Variants in PP2D1 observed in about 807,000 individuals in gnomAD.
The protein encoded by PP2D1 is protein phosphatase 2C like domain containing 1.
In PP2D1, 25 loss-of-function variants were observed where a neutral mutation model predicts 30.2. That is an observed-to-expected ratio of 0.83 (90% CI 0.60 to 1.16). The LOEUF is 1.16. Among genes scored for constraint, PP2D1 ranks in the 50% most tolerant of loss-of-function variants. PP2D1 has a pLI of 0.00. For missense variants in PP2D1, 760 were observed against 742.4 expected (o/e 1.02, Z -0.28); for synonymous variants, 260 against 258.9 (o/e 1.00, Z -0.04).
At chr3:19,983,074 C>T (rs895254628), downstream of PP2D1, among the ~76,000 whole-genome samples, 2 of 152,066 alleles carry the variant, frequency 1.3e-5, no homozygotes, top group Non-Finnish European at 2.9e-5. Context: ...CCATGGCTCA[C>T]GCCTATAATC....
chr3:20,002,141 G>A (rs759597910), intron 1 of PP2D1, 45 bp from the exon 2 acceptor site: 28 of 1,270,840 alleles, frequency 2.2e-5, no homozygotes, highest in African/African-American at 2.1e-4. Context: ...ATGATGCAGC[G>A]AAAATCTCTT....
chr3:19,992,790 T>G (rs1697133924), intron 2 of PP2D1, among the ~76,000 whole-genome samples: 1 of 152,180 alleles, frequency 6.6e-6, no homozygotes, highest in Non-Finnish European at 1.5e-5. Context: ...GTGATTATCC[T>G]TTCCTCACAG....
chr3:20,003,350 A>G (rs969921603), intron 1 of PP2D1, among the ~76,000 whole-genome samples: 2 of 150,830 alleles, frequency 1.3e-5, no homozygotes, highest in Non-Finnish European at 3.0e-5. Flanking sequence ...CACAATCCCA[A>G]CTCTGTGTAG....
chr3:20,010,969 A>G (rs1432503445), intron 1 of PP2D1, among the ~76,000 whole-genome samples: 1 of 152,180 alleles, frequency 6.6e-6, no homozygotes, highest in Non-Finnish European at 1.5e-5. Flanking sequence ...CAGGTCATTA[A>G]TAACAGAATG....
chr3:20,004,813 A>C (rs1002283432), intron 1 of PP2D1, among the ~76,000 whole-genome samples: 1 of 152,200 alleles, frequency 6.6e-6, no homozygotes, highest in Non-Finnish European at 1.5e-5. Flanking sequence ...AAACTTGATA[A>C]AAATCAAAGT....
intron 2 of PP2D1, among the ~76,000 whole-genome samples, chr3:19,992,300 T>C (rs1458739374): frequency 1.3e-5 from 2 of 152,158 alleles, no homozygotes; most frequent in East Asian, 1.9e-4. Context: ...ATTTGTTGAA[T>C]GTGTTCTCAG....
intron 2 of PP2D1, among the ~76,000 whole-genome samples, chr3:19,993,241 T>C (rs1305619374): frequency 6.6e-6 from 1 of 152,102 alleles, no homozygotes; most frequent in Admixed American, 6.6e-5. Flanking sequence ...GAATAACAGA[T>C]ACACTAAAGC....
At chr3:20,010,494 C>A (rs1697371608) in intron 1 of PP2D1, among the ~76,000 whole-genome samples, 2 of 152,118 alleles carry the variant, frequency 1.3e-5, no homozygotes, top group African/African-American at 4.8e-5. Context: ...ACAGTCTAAT[C>A]CAATCACTTC....
intron 2 of PP2D1, among the ~76,000 whole-genome samples, chr3:19,988,903 C>T (rs1314326710): frequency 6.6e-6 from 1 of 151,500 alleles, no homozygotes; most frequent in Admixed American, 6.6e-5. Flanking sequence ...CAAGAACTGC[C>T]TCTACACAGG....
At chr3:19,983,162 C>T (rs1188360086), downstream of PP2D1, among the ~76,000 whole-genome samples, 3 of 151,880 alleles carry the variant, frequency 2.0e-5, no homozygotes, top group Non-Finnish European at 1.5e-5. Flanking sequence ...CATGGTGAAA[C>T]CCCGTCTCTA....
chr3:19,986,897 G>A (rs867269354), intron 2 of PP2D1, among the ~76,000 whole-genome samples: 11 of 151,994 alleles, frequency 7.2e-5, no homozygotes, highest in African/African-American at 1.7e-4. Context: ...TTAGCCGGAC[G>A]TGGTGGCCAT....
At chr3:19,981,001 C>T (rs1298806552), downstream of PP2D1, among the ~76,000 whole-genome samples, 1 of 152,218 alleles carries the variant, frequency 6.6e-6, no homozygotes, top group East Asian at 1.9e-4. Flanking sequence ...TATTCAATTT[C>T]TGAGTAACCT....
chr3:19,982,975 T>C (rs1353147628), downstream of PP2D1, among the ~76,000 whole-genome samples: 1 of 152,178 alleles, frequency 6.6e-6, no homozygotes, highest in African/African-American at 2.4e-5. Context: ...AACGCTGATA[T>C]GAGCTGAGCT....
chr3:20,006,905 T>C (rs527900629), intron 1 of PP2D1, among the ~76,000 whole-genome samples: 2 of 151,730 alleles, frequency 1.3e-5, no homozygotes, highest in African/African-American at 4.8e-5. Flanking sequence ...GCCTCCCAAG[T>C]AGCTGGGATT....
chr3:19,989,865 A>T (rs1224479009), intron 2 of PP2D1, among the ~76,000 whole-genome samples: 1 of 152,124 alleles, frequency 6.6e-6, no homozygotes, highest in Non-Finnish European at 1.5e-5. Flanking sequence ...AAAAAGAAAA[A>T]GCATTATTTT....
At chr3:19,999,384 AT>A (rs1697224301) in intron 2 of PP2D1, among the ~76,000 whole-genome samples, 1 of 146,466 alleles carries the variant, frequency 6.8e-6, no homozygotes, top group Non-Finnish European at 1.5e-5. Context: ...CCATTTTTTT[AT>A]TTTTTATTTT....
Position 20,001,212 on chromosome 3 carries a change from T to C in PP2D1, c.908A>G (p.Glu303Gly). The C allele has an allele frequency of 6.5e-7, 1 of 1,534,856 alleles. No homozygotes were observed. The highest frequency in any genetic ancestry group is 1.4e-5 in the African/African-American group (1 of 73,086). ...GCCACTCCATTGAACCCTGGACACT[T>C]CTTTTCTTCCAAGACCTAAAAGCCT... is the stretch of plus-strand genomic sequence containing the variant. ...MDRLLGLGRK[E>G]VSRVQWSGCS... Residue 303 changes from glutamate (E) to glycine (G), a missense_variant, in exon 2 of 3, where the codon GAA becomes GGA. Physicochemically the swap from Glu to Gly is moderately conservative, Grantham distance 98 (BLOSUM62 -2). Around this residue, in one of 3 missense-constraint regions of PP2D1, gnomAD observed 374 missense variants for 388.8 expected, o/e 0.96. Coordinates refer to ENST00000389050, the MANE Select transcript of PP2D1 (RefSeq NM_001252657.2).
downstream of PP2D1, chr3:19,985,253 C>T (rs147447349): frequency 6.6e-4 from 459 of 697,642 alleles, 2 homozygotes; most frequent in African/African-American, 7.0e-3. Context: ...ACCTAGTATC[C>T]GCTTTTATAT....
At chr3:19,981,260 G>A (rs1269149538), downstream of PP2D1, among the ~76,000 whole-genome samples, 1 of 152,154 alleles carries the variant, frequency 6.6e-6, no homozygotes, top group Non-Finnish European at 1.5e-5. Flanking sequence ...TATGCATTTA[G>A]TACATTCTTA....
Sources: gnomAD v4.1 joint callset for allele counts (sites outside exome capture counted in the v4.1 genomes callset) on GRCh38, gnomAD v4.1.1 for gene constraint, gnomAD v4.1.1 regional missense constraint, MANE v1.5 for transcripts, NCBI Gene and HGNC (gene_info 2026-07-23, HGNC 2026-07-21) for gene names.